SLC1A4: variants seen among roughly 807,000 people sequenced by gnomAD.
The protein encoded by SLC1A4 is solute carrier family 1 member 4, also known as neutral amino acid transporter A.
Under a neutral mutation model 37.7 loss-of-function variants are expected in SLC1A4, and 19 were observed. The ratio of observed to expected loss-of-function variants is 0.50; its 90% CI spans 0.35 to 0.74. SLC1A4 has a LOEUF of 0.74. Among genes scored for constraint, SLC1A4 ranks in the 30% least tolerant of loss-of-function variants. SLC1A4 has a pLI of 0.01. For missense variants in SLC1A4, 570 were observed against 712.9 expected, an observed-to-expected ratio of 0.80 and a Z score of 2.28; for synonymous variants, 299 against 309.8, an observed-to-expected ratio of 0.97 and a Z score of 0.37.
At chr2:65,017,819 G>C (rs1337020882) in intron 5 of SLC1A4, among the ~76,000 whole-genome samples, 3 of 152,192 alleles carry the variant, frequency 2.0e-5, no homozygotes, top group African/African-American at 7.2e-5. Flanking sequence ...TAAGAAACTT[G>C]GAACACGTGA....
At chr2:65,001,299 G>A in intron 1 of SLC1A4, 149 bp from the exon 2 acceptor site, 1 of 673,138 alleles carries the variant, frequency 1.5e-6, no homozygotes, top group South Asian at 1.8e-5. Context: ...CACTTTGGGA[G>A]GCTGAGGCAG....
At chr2:65,011,675 C>A (rs907677368) in intron 4 of SLC1A4, 4 of 152,188 alleles carry the variant, frequency 2.6e-5, no homozygotes, top group Non-Finnish European at 5.9e-5. Context: ...AAAAATTTGA[C>A]CAGCTCCCTC....
Position 64,990,134 on chromosome 2 carries a change from C to T in SLC1A4, c.491C>T (p.Pro164Leu). The T allele has an allele frequency of 1.2e-6, 2 of 1,610,474 alleles. No individual in the cohort carries two copies. The highest frequency in any genetic ancestry group is 2.2e-5 in the South Asian group (2 of 90,412). ...GAGGACTCGGGGCCTCCTCCTGTCCCCAAAGAGACGGTGGACTCTTTCCTC... is the reference window on the plus strand; with the variant it reads ...GAGGACTCGGGGCCTCCTCCTGTCCTCAAAGAGACGGTGGACTCTTTCCTC... ...GLEDSGPPPV[P>L]KETVDSFLDL... is the part of the protein sequence containing the mutation. The change falls in exon 1 of 8, where the codon CCC (proline) becomes CTC (leucine). Residue 164 changes from proline (P) to leucine (L), a missense_variant. Transcript: ENST00000234256.
chr2:65,009,897 G>T (rs1236559281), intron 3 of SLC1A4, among the ~76,000 whole-genome samples: 1 of 151,918 alleles, frequency 6.6e-6, no homozygotes, highest in East Asian at 1.9e-4. Context: ...ATATTTAGGA[G>T]TCAAAGTTAC....
At chr2:65,011,535 TG>T (rs1431092213) in intron 4 of SLC1A4, 3 of 152,088 alleles carry the variant, frequency 2.0e-5, no homozygotes, top group Non-Finnish European at 4.4e-5. Flanking sequence ...CCCAAACTGC[TG>T]GAATTACAGG....
chr2:65,003,886 C>T, intron 2 of SLC1A4, 67 bp from the exon 3 acceptor site: 1 of 1,216,444 alleles, frequency 8.2e-7, no homozygotes, highest in African/African-American at 1.5e-5. Flanking sequence ...CAGCAGTGCC[C>T]TTGGTTCCTC....
At position 65,018,400 on chromosome 2, in the gene SLC1A4, G is replaced by A. The variant is rs34203436; in HGVS notation, c.1229+135G>A. On this transcript the variant is annotated intron_variant, in intron 6 of 7. Transcript: ENST00000234256. The surrounding 1 kb of genome is among the most constrained non-coding windows in gnomAD (Gnocchi z 4.3). ...TGGGGATTCATTACTTGAAGAGCGT[G>A]TGTTGACTCTCAAGGGCGTAGCCAG... The A allele has an allele frequency of 2.2e-6, 3 of 1,375,654 alleles. No individual in the cohort carries two copies. Among genetic ancestry groups the A allele is most frequent in the Non-Finnish European group, 2.0e-6 (2 of 1,007,766 alleles). The allele number at this position is 1,375,654 out of a possible 1,614,324, so 85.2% of individuals were successfully genotyped here.
chr2:64,990,195 G>A (rs1673001256), intron 1 of SLC1A4, 25 bp downstream of exon 1: 1 of 1,551,780 alleles, frequency 6.4e-7, no homozygotes, highest in Non-Finnish European at 8.7e-7. Flanking sequence ...CTCTCCCAGG[G>A]CCCAGTGGGA....
In SLC1A4 at chr2:65,016,449, T is replaced by C. The variant is rs1460587558; in HGVS notation, c.810T>C (p.Pro270=). The C allele has an allele frequency of 4.3e-6, 7 of 1,613,846 alleles. No individual in the cohort carries two copies. Among genetic ancestry groups the C allele is most frequent in the East Asian group, 2.2e-5 (1 of 44,890 alleles). The change falls in exon 5 of 8, where the codon CCT becomes CCC. Residue 270 remains proline, a synonymous_variant. Transcript: ENST00000234256. ...VLVSWIMWYV[P]VGIMFLVGSK... The stretch of plus-strand genomic sequence containing the variant: ...TGTGCTTGTGCCCTAGGTACGTACC[T>C]GTGGGCATCATGTTCCTTGTTGGAA...
rs1360100295 is a variant in SLC1A4, at chr2:65,023,834, C to G, written c.*2688C>G. 1.3e-5 allele frequency: 2 copies of G among 152,686 alleles called. No homozygotes were observed. Among genetic ancestry groups the G allele is most frequent in the African/African-American group, 2.4e-5 (1 of 41,462 alleles). 9.5% of individuals were successfully genotyped at this position (152,686 alleles called of 1,614,324 possible). On this transcript the variant is annotated 3_prime_UTR_variant, in exon 8 of 8. Transcript: ENST00000234256. ...CAATTGCCTTAAAACCTAGCACAGT[C>G]CTCAGAAATGAATACCGTGTTTCCA...
intron 4 of SLC1A4, among the ~76,000 whole-genome samples, chr2:65,011,705 TC>T (rs1673926010): frequency 6.6e-6 from 1 of 152,180 alleles, no homozygotes. Context: ...TCATACCAAT[TC>T]CAGTATCAAT....
At chr2:65,009,705 T>C (rs1673836570) in intron 3 of SLC1A4, among the ~76,000 whole-genome samples, 1 of 152,250 alleles carries the variant, frequency 6.6e-6, no homozygotes, top group Admixed American at 6.5e-5. Flanking sequence ...TTGTCTAATA[T>C]ATGCTTGCAG....
At chr2:65,017,495 T>G in intron 5 of SLC1A4, among the ~76,000 whole-genome samples, 1 of 129,932 alleles carries the variant, frequency 7.7e-6, no homozygotes, top group East Asian at 2.2e-4. Flanking sequence ...GAGGTGGGAG[T>G]AAAAAAAAAA....
At position 65,023,756 on chromosome 2, in the gene SLC1A4, T is replaced by G. The variant is rs1674524985; in HGVS notation, c.*2610T>G. 6.6e-6 allele frequency: 1 copy of G among 152,646 alleles called. No homozygotes were observed. Among genetic ancestry groups the G allele is most frequent in the African/African-American group, 2.4e-5 (1 of 41,450 alleles). The allele number at this position is 152,646 out of a possible 1,614,324, so 9.5% of individuals were successfully genotyped here. ...TTCCCCTGCTGTTCTCTTTCTAACA[T>G]GTTGTGGTAAATCTGTTCAGATACT... On this transcript the variant is annotated 3_prime_UTR_variant, in exon 8 of 8. Transcript: ENST00000234256.
chr2:64,999,432 T>C (rs1029419831), intron 1 of SLC1A4: 1 of 152,242 alleles, frequency 6.6e-6, no homozygotes, highest in African/African-American at 2.4e-5. Context: ...TTGCATCTTA[T>C]TAACTTTGTT....
At chr2:65,009,682 T>C (rs888907832) in intron 3 of SLC1A4, among the ~76,000 whole-genome samples, 5 of 152,228 alleles carry the variant, frequency 3.3e-5, no homozygotes, top group African/African-American at 1.2e-4. Flanking sequence ...TATGTGTTGG[T>C]GGGATAAAAT....
rs186744331 is a variant in SLC1A4, at chr2:64,998,111, C to A, written c.528-3337C>A. Among the ~76,000 whole-genome samples, 1,386 of 152,256 alleles carry A rather than the reference C, an allele frequency of 9.1e-3. 11 individuals are homozygous for A. Among genetic ancestry groups the A allele is most frequent in the Non-Finnish European group, 0.015 (1,030 of 68,008 alleles). ...AATTAGCCAGGTGTGGTGGCGGGCG[C>A]CTGTAGTCCCAGCTACTCGGGAGAC... On this transcript the variant is annotated intron_variant, in intron 1 of 7. Transcript: ENST00000234256.
chr2:64,994,065 A>G (rs946850862), intron 1 of SLC1A4, among the ~76,000 whole-genome samples: 2 of 152,226 alleles, frequency 1.3e-5, no homozygotes, highest in African/African-American at 4.8e-5. Context: ...TGTATTGGGA[A>G]CCACATGGCA....
At chr2:65,012,092 G>GT (rs1055136113) in intron 4 of SLC1A4, among the ~76,000 whole-genome samples, 3 of 148,970 alleles carry the variant, frequency 2.0e-5, no homozygotes, top group Middle Eastern at 3.4e-3. Context: ...TTTTTGTTTT[G>GT]TTTTTTTGTT....
Sources: allele counts gnomAD v4.1 joint callset (sites outside exome capture counted in the v4.1 genomes callset), GRCh38; gene constraint gnomAD v4.1.1; non-coding constraint Gnocchi (gnomAD v3.1); transcripts MANE v1.5; gene names NCBI Gene and HGNC (gene_info 2026-07-23, HGNC 2026-07-21).